Variants in STAB2 observed in about 807,000 individuals in gnomAD.
STAB2 encodes stabilin 2, also known as stabilin-2.
STAB2 carries 288 observed loss-of-function variants against 338.1 expected under a neutral mutation model. That is an observed-to-expected ratio of 0.85 (90% CI 0.77 to 0.94). The LOEUF (loss-of-function observed/expected upper bound fraction) is 0.94. Among genes scored for constraint, STAB2 ranks in the 40% least tolerant of loss-of-function variants. The pLI is 0.00. For missense variants in STAB2, 3,141 were observed against 3,210.1 expected (o/e 0.98, Z 0.52); for synonymous variants, 1,202 against 1,193.3 (o/e 1.01, Z -0.15).
chr12:103,675,802 G>A (rs2138837936), intron 23 of STAB2, 126 bp from the exon 24 acceptor site: 1 of 665,170 alleles, frequency 1.5e-6, no homozygotes, highest in East Asian at 2.8e-5. Flanking sequence ...TTTGAGCGCT[G>A]GCTTCCTCCA....
At chr12:103,688,514 A>C (rs953338842) in intron 28 of STAB2, among the ~76,000 whole-genome samples, 3 of 152,218 alleles carry the variant, frequency 2.0e-5, no homozygotes, top group African/African-American at 7.2e-5. Flanking sequence ...GTAAGTTAAC[A>C]TGACTCATCA....
rs76516412 is a variant in STAB2, at chr12:103,632,225, G to A, written c.583+532G>A. ...AATCTATTATACTGGGTCCAATCAA[G>A]AGCTGGAAACCAAGGGGTGATTTAA... On this transcript the variant is annotated intron_variant, in intron 6 of 68. Transcript: ENST00000388887. Among the ~76,000 whole-genome samples the A allele has an allele frequency of 2.1e-3, 317 of 152,334 alleles. 1 individual carries two copies. Among genetic ancestry groups the A allele is most frequent in the Admixed American group, 3.9e-3 (59 of 15,306 alleles).
chr12:103,653,691 G>T (rs1177430418), intron 12 of STAB2, among the ~76,000 whole-genome samples: 2 of 144,402 alleles, frequency 1.4e-5, no homozygotes, highest in Non-Finnish European at 3.0e-5. Context: ...TACATGGATA[G>T]GTCACTGGAT....
At chr12:103,660,252 G>A (rs112102449) in intron 15 of STAB2, 79 bp from the exon 16 acceptor site, 14 of 1,436,178 alleles carry the variant, frequency 9.7e-6, no homozygotes, top group African/African-American at 5.6e-5. Context: ...ATTGTCTAAC[G>A]TCATTTGAAG....
chr12:103,706,102 C>T (rs550217259), intron 37 of STAB2, among the ~76,000 whole-genome samples: 106 of 152,258 alleles, frequency 7.0e-4, no homozygotes, highest in African/African-American at 2.3e-3. Flanking sequence ...AACAGGACCC[C>T]AAGGCTAACT....
intron 25 of STAB2, among the ~76,000 whole-genome samples, chr12:103,679,097 C>A (rs1029540445): frequency 4.1e-4 from 63 of 152,072 alleles, no homozygotes; most frequent in African/African-American, 1.4e-3. Context: ...CAACATGGGC[C>A]GGGCACTGTG....
At chr12:103,644,562 TAAATAAATA>T (rs1390997985) in intron 9 of STAB2, among the ~76,000 whole-genome samples, 1 of 67,708 alleles carries the variant, frequency 1.5e-5, no homozygotes, top group Non-Finnish European at 3.5e-5. Context: ...AATAAATAAA[TAAATAAATA>T]AAAATAAAAT....
At chr12:103,603,908 A>G (rs1956990008) in intron 3 of STAB2, among the ~76,000 whole-genome samples, 1 of 152,134 alleles carries the variant, frequency 6.6e-6, no homozygotes, top group South Asian at 2.1e-4. Context: ...TGTTGTATAA[A>G]TTTCAGCTTA....
intron 41 of STAB2, 49 bp downstream of exon 41, chr12:103,712,492 G>T (rs1248049210): frequency 1.4e-6 from 2 of 1,420,732 alleles, no homozygotes; most frequent in Admixed American, 3.3e-5. Flanking sequence ...GCTTGCACAG[G>T]CTATTGAGAG....
chr12:103,695,410 G>C (rs1878308680), intron 31 of STAB2, 140 bp from the exon 32 acceptor site: 1 of 705,982 alleles, frequency 1.4e-6, no homozygotes, highest in Non-Finnish European at 2.4e-6. Context: ...TTTTTATACT[G>C]TGAGTAATCT....
intron 39 of STAB2, among the ~76,000 whole-genome samples, chr12:103,709,355 G>A (rs1233535350): frequency 2.6e-5 from 4 of 152,240 alleles, no homozygotes; most frequent in Admixed American, 1.3e-4. Context: ...GCGCCGGGCC[G>A]TGAAACGCTA....
intron 33 of STAB2, among the ~76,000 whole-genome samples, chr12:103,698,660 G>T (rs1438302774): frequency 1.3e-5 from 2 of 152,100 alleles, no homozygotes; most frequent in Non-Finnish European, 2.9e-5. Flanking sequence ...CCCTGCCTTG[G>T]TCAGACCCCA....
chr12:103,665,926 A>G (rs1225019128), intron 18 of STAB2, among the ~76,000 whole-genome samples: 10 of 152,200 alleles, frequency 6.6e-5, no homozygotes, highest in African/African-American at 2.4e-4. Context: ...CTAATACTTC[A>G]TCCCTAGCAC....
chr12:103,716,633 A>C (rs1271230170), intron 43 of STAB2, among the ~76,000 whole-genome samples: 2 of 152,198 alleles, frequency 1.3e-5, no homozygotes, highest in Non-Finnish European at 2.9e-5. Flanking sequence ...AAAATAAGGA[A>C]AAAAAATTGT....
intron 3 of STAB2, 93 bp downstream of exon 3, chr12:103,594,603 T>C: frequency 1.0e-6 from 1 of 999,926 alleles, no homozygotes; most frequent in Admixed American, 1.8e-5. Flanking sequence ...AAAAGAAGAA[T>C]GTTAACATCC....
At chr12:103,692,740 C>G in intron 30 of STAB2, 72 bp from the exon 31 acceptor site, 1 of 1,303,548 alleles carries the variant, frequency 7.7e-7, no homozygotes, top group South Asian at 1.2e-5. Flanking sequence ...AAAGCAGAAA[C>G]CCCAGAGATC....
chr12:103,708,575 G>A lies in STAB2; in HGVS notation c.4288+39G>A. 2.5e-6 allele frequency: 4 copies of A among 1,586,540 alleles called. No individual in the cohort carries two copies. The South Asian group carries it at 3.4e-5, about 13-fold the overall frequency. ...CTCCAGTATTTATAATCTGCTCTAAGCTTTGCTTCTCAGCAGCTACATTTT... is the reference window on the plus strand; with the variant it reads ...CTCCAGTATTTATAATCTGCTCTAAACTTTGCTTCTCAGCAGCTACATTTT... On this transcript the variant is annotated intron_variant, in intron 39 of 68. Coordinates refer to ENST00000388887, the MANE Select transcript of STAB2 (RefSeq NM_017564.10).
chr12:103,622,720 G>T (rs948082871), intron 5 of STAB2, among the ~76,000 whole-genome samples: 1 of 152,180 alleles, frequency 6.6e-6, no homozygotes, highest in African/African-American at 2.4e-5. Context: ...GTTTCCTGAG[G>T]TTCTCAGCCC....
intron 47 of STAB2, among the ~76,000 whole-genome samples, chr12:103,728,556 T>C (rs1324439072): frequency 1.3e-5 from 2 of 152,230 alleles, no homozygotes; most frequent in Non-Finnish European, 2.9e-5. Flanking sequence ...TTTTTGAGGA[T>C]CATCTCACAG....
Sources: allele counts gnomAD v4.1 joint callset (sites outside exome capture counted in the v4.1 genomes callset), GRCh38; gene constraint gnomAD v4.1.1; transcripts MANE v1.5; gene names NCBI Gene and HGNC (gene_info 2026-07-23, HGNC 2026-07-21).